The following RGMA variants were observed in gnomAD, a reference collection of about 807,000 sequenced individuals.
The protein encoded by RGMA is repulsive guidance molecule A.
A neutral mutation model predicts 23.2 loss-of-function variants in RGMA; 10 were observed. The observed-to-expected ratio is 0.43, with a 90% CI of 0.27 to 0.73. The LOEUF is 0.73. Ranked by LOEUF, RGMA falls within the 30% of genes least tolerant of loss-of-function variation. The pLI, the probability that RGMA is intolerant of heterozygous loss-of-function variation, is 0.20. For missense variants in RGMA, 547 were observed against 630.5 expected, an observed-to-expected ratio of 0.87 and a Z score of 1.42; for synonymous variants, 308 against 279.3, an observed-to-expected ratio of 1.10 and a Z score of -1.03.
At chr15:93,048,060 G>T (rs1473955867) in intron 3 of RGMA, among the ~76,000 whole-genome samples, 5 of 152,114 alleles carry the variant, frequency 3.3e-5, no homozygotes, top group Admixed American at 6.5e-5. Flanking sequence ...CCAGGGTCAT[G>T]GCCTCAGGAC....
intron 2 of RGMA, among the ~76,000 whole-genome samples, chr15:93,055,148 C>T (rs969541294): frequency 2.0e-5 from 3 of 152,094 alleles, no homozygotes; most frequent in Admixed American, 2.0e-4. Flanking sequence ...ATGTGGGTGT[C>T]AGAGAAAATC....
chr15:93,085,164 G>C (rs543993525), intron 1 of RGMA, among the ~76,000 whole-genome samples: 1 of 152,236 alleles, frequency 6.6e-6, no homozygotes, highest in African/African-American at 2.4e-5. Flanking sequence ...AGAGCAAACT[G>C]TTCCTGTCAG....
intron 3 of RGMA, among the ~76,000 whole-genome samples, chr15:93,050,133 C>T (rs958996056): frequency 6.6e-6 from 1 of 152,194 alleles, no homozygotes. Context: ...ATCCTGCTGC[C>T]CCAGCCTCCA....
chr15:93,072,789 G>C, intron 2 of RGMA, 127 bp downstream of exon 2: 1 of 1,068,778 alleles, frequency 9.4e-7, no homozygotes, highest in Non-Finnish European at 1.3e-6. Flanking sequence ...AAGACCCGTG[G>C]AAATAGGAGG....
At chr15:93,071,146 A>G (rs980249387) in intron 2 of RGMA, among the ~76,000 whole-genome samples, 1 of 152,248 alleles carries the variant, frequency 6.6e-6, no homozygotes, top group Non-Finnish European at 1.5e-5. Context: ...CAGCCAAGGG[A>G]CAAAAGCCAT....
At chr15:93,054,776 C>T (rs1162109589) in intron 2 of RGMA, among the ~76,000 whole-genome samples, 1 of 152,180 alleles carries the variant, frequency 6.6e-6, no homozygotes. Context: ...TAGTCTTCCT[C>T]CTACACAGGT....
Position 93,043,813 on chromosome 15 carries a change from T to A in RGMA, c.*1185A>T, listed in dbSNP as rs1031819792. ...TGGAGCTGTAGGGCTGCTGGCAGGATCACCCTCCAGGGCCTGGCTGCACTT... is the reference window on the plus strand; with the variant it reads ...TGGAGCTGTAGGGCTGCTGGCAGGAACACCCTCCAGGGCCTGGCTGCACTT... On this transcript the variant is annotated 3_prime_UTR_variant, in exon 4 of 4. Transcript: ENST00000329082. 3.3e-5 allele frequency: 5 copies of A among 152,720 alleles called. No homozygotes were observed. The highest frequency in any genetic ancestry group is 1.2e-4 in the African/African-American group (5 of 41,434). 9.5% of individuals were successfully genotyped at this position (152,720 alleles called of 1,614,324 possible). A position where few individuals can be genotyped will look rare whatever the true frequency, so the allele number is the denominator to read the frequency against.
intron 2 of RGMA, chr15:93,066,498 G>T (rs1257510960): frequency 7.7e-6 from 4 of 516,820 alleles, no homozygotes; most frequent in Non-Finnish European, 1.5e-5. Context: ...CATCCCAGCA[G>T]CGGGGCCCGA....
rs1895692039 is a variant in RGMA, at chr15:93,089,098, C to A, written c.-166G>T. 2.7e-6 allele frequency: 1 copy of A among 369,170 alleles called. No individual in the cohort carries two copies. The highest frequency in any genetic ancestry group is 4.8e-6 in the Non-Finnish European group (1 of 209,816). 22.9% of individuals were successfully genotyped at this position (369,170 alleles called of 1,614,324 possible). A position where few individuals can be genotyped will look rare whatever the true frequency, so the allele number is the denominator to read the frequency against. The stretch of plus-strand genomic sequence containing the variant: ...CGGCCCGGGGAGCGCCTCCTGCTCC[C>A]GGGCTGCATGCCTGCGAGCGCCTGG... On this transcript the variant is annotated 5_prime_UTR_variant, in exon 1 of 4. Transcript: ENST00000329082.
At chr15:93,067,199 T>G (rs1477406973) in intron 2 of RGMA, among the ~76,000 whole-genome samples, 2 of 152,236 alleles carry the variant, frequency 1.3e-5, no homozygotes, top group African/African-American at 4.8e-5. Flanking sequence ...TACTTATCCC[T>G]TTCAGCTTTC....
At chr15:93,057,111 A>G (rs2055027172) in intron 2 of RGMA, among the ~76,000 whole-genome samples, 1 of 152,106 alleles carries the variant, frequency 6.6e-6, no homozygotes, top group Admixed American at 6.5e-5. Flanking sequence ...CAGGTCCCCC[A>G]ACTCCTGGCA....
intron 2 of RGMA, 24 bp downstream of exon 2, chr15:93,072,892 C>T (rs1895377975): frequency 1.9e-6 from 3 of 1,585,292 alleles, no homozygotes; most frequent in Non-Finnish European, 2.6e-6. Flanking sequence ...CCCGGCCCCG[C>T]GCGCCCGGCC....
Position 93,044,712 on chromosome 15 carries a change from C to G in RGMA, c.*286G>C, listed in dbSNP as rs2054785724. 2.1e-6 allele frequency: 1 copy of G among 469,892 alleles called. No homozygotes were observed. The highest frequency in any genetic ancestry group is 2.0e-5 in the African/African-American group (1 of 51,228). The allele number at this position is 469,892 out of a possible 1,614,324, so 29.1% of individuals were successfully genotyped here. On this transcript the variant is annotated 3_prime_UTR_variant, in exon 4 of 4. Transcript: ENST00000329082. The stretch of plus-strand genomic sequence containing the variant: ...CTCTGGTGGGGGTGGGGGGCTTCAG[C>G]CTGAGGGGATGTTTCACACATTCAC...
rs781079500 is a variant in RGMA, at chr15:93,038,892, G to A, written c.*6106C>T. 1 of 152,136 alleles carries A rather than the reference G, an allele frequency of 6.6e-6. No individual in the cohort carries two copies. The highest frequency in any genetic ancestry group is 6.5e-5 in the Admixed American group (1 of 15,276). The allele number at this position is 152,136 out of a possible 1,614,324, so 9.4% of individuals were successfully genotyped here. A position where few individuals can be genotyped will look rare whatever the true frequency, so the allele number is the denominator to read the frequency against. On this transcript the variant is annotated 3_prime_UTR_variant, in exon 4 of 4. Transcript: ENST00000329082. ...CCCGGCCGAAACTGTTTAATATTGA[G>A]TGCCAACTTGATTGGATTGGAGGAT...
At position 93,045,753 on chromosome 15, in the gene RGMA, A is replaced by C. The variant is rs1033801997; in HGVS notation, c.646-48T>G. The C allele has an allele frequency of 7.3e-7, 1 of 1,369,084 alleles. No homozygotes were observed. The highest frequency in any genetic ancestry group is 1.4e-5 in the African/African-American group (1 of 70,498). 84.8% of individuals were successfully genotyped at this position (1,369,084 alleles called of 1,614,324 possible). On this transcript the variant is annotated intron_variant, in intron 3 of 3. Coordinates refer to ENST00000329082, the MANE Select transcript of RGMA (RefSeq NM_020211.3). The surrounding 1 kb of genome is among the most constrained non-coding windows in gnomAD (Gnocchi z 6.9). ...AGAGTGGGTGAGGCACAGTGGGAGG[A>C]GGCACAGCCCCACACTTAAGATGCT... is the stretch of plus-strand genomic sequence containing the variant.
At chr15:93,065,637 C>G in intron 2 of RGMA, 1 of 917,150 alleles carries the variant, frequency 1.1e-6, no homozygotes, top group South Asian at 1.3e-5. Flanking sequence ...GCTGAGGTCT[C>G]AGGGGCTGCG....
chr15:93,049,302 G>T (rs919011118), intron 3 of RGMA, among the ~76,000 whole-genome samples: 1 of 152,236 alleles, frequency 6.6e-6, no homozygotes, highest in Non-Finnish European at 1.5e-5. Flanking sequence ...ATGCTTCAGG[G>T]GGTCGCAGAC....
intron 2 of RGMA, among the ~76,000 whole-genome samples, chr15:93,062,497 G>C (rs1894998839): frequency 6.6e-6 from 1 of 152,216 alleles, no homozygotes; most frequent in Admixed American, 6.5e-5. Flanking sequence ...GCGACATGCT[G>C]GCTGGTCAGA....
intron 1 of RGMA, among the ~76,000 whole-genome samples, chr15:93,081,355 C>T (rs891670625): frequency 6.6e-6 from 1 of 152,146 alleles, no homozygotes; most frequent in Non-Finnish European, 1.5e-5. Context: ...TGGCCAAGCA[C>T]GTAGGAAATG....
Sources: allele counts gnomAD v4.1 joint callset (sites outside exome capture counted in the v4.1 genomes callset), GRCh38; gene constraint gnomAD v4.1.1; non-coding constraint Gnocchi (gnomAD v3.1); transcripts MANE v1.5; gene names NCBI Gene and HGNC (gene_info 2026-07-23, HGNC 2026-07-21).